The following MME variants were observed in gnomAD, a reference collection of about 807,000 sequenced individuals.
The protein encoded by MME is neprilysin.
MME carries 98 observed loss-of-function variants against 113.2 expected under a neutral mutation model. The observed-to-expected ratio is 0.87, with a 90% CI of 0.74 to 1.02. The LOEUF is 1.02. Ranked by LOEUF, MME falls within the 50% of genes least tolerant of loss-of-function variation. MME has a pLI of 0.00. For synonymous variants in MME, 292 were observed against 300.6 expected, an observed-to-expected ratio of 0.97 and a Z score of 0.30; for missense variants, 836 against 896.0, an observed-to-expected ratio of 0.93 and a Z score of 0.86.
chr3:155,026,732 C>T (rs1412857465), intron 1 of MME, among the ~76,000 whole-genome samples: 1 of 152,000 alleles, frequency 6.6e-6, no homozygotes, highest in African/African-American at 2.4e-5. Flanking sequence ...ATTCCCCCCA[C>T]CTCCCCCAGA....
At position 155,180,484 on chromosome 3, in the gene MME, TTGGC is replaced by T; in HGVS notation, c.*27_*30del. 6.4e-7 allele frequency: 1 copy of T among 1,558,960 alleles called. No homozygotes were observed. The highest frequency in any genetic ancestry group is 2.2e-5 in the East Asian group (1 of 44,490). On this transcript the variant is annotated 3_prime_UTR_variant, in exon 23 of 23. Transcript: ENST00000360490. ...ATCTTCAAAAGAAGCATTGCAGCCC[TTGGC>T]TAGACTTGCCAACACCACAGAAATG...
chr3:155,070,908 G>C (rs551319709), intron 1 of MME, among the ~76,000 whole-genome samples: 1 of 152,324 alleles, frequency 6.6e-6, no homozygotes, highest in East Asian at 1.9e-4. Flanking sequence ...AATCTGGGGT[G>C]TTTGGGTTTA....
intron 8 of MME, among the ~76,000 whole-genome samples, chr3:155,135,354 G>A (rs901550505): frequency 6.6e-6 from 1 of 152,080 alleles, no homozygotes; most frequent in South Asian, 2.1e-4. Flanking sequence ...TTCTGCATAT[G>A]ACTAGCCAGT....
intron 8 of MME, among the ~76,000 whole-genome samples, chr3:155,130,471 G>A (rs1357724929): frequency 6.6e-6 from 1 of 152,136 alleles, no homozygotes; most frequent in Non-Finnish European, 1.5e-5. Context: ...GGGAGAAGAA[G>A]CCAGAGTTAT....
chr3:155,088,212 G>GCA (rs3836439), intron 3 of MME, among the ~76,000 whole-genome samples: 39,962 of 149,668 alleles, frequency 0.27, 5,665 homozygotes, highest in Non-Finnish European at 0.34. Context: ...ACTCGTGCGC[G>GCA]CACACACACA....
chr3:155,067,851 ACTTTGGAAAATAGTTTGG>A (rs1239173316), intron 1 of MME, among the ~76,000 whole-genome samples: 10 of 152,138 alleles, frequency 6.6e-5, no homozygotes, highest in Non-Finnish European at 2.9e-5. Context: ...TGCTACAACC[ACTTTGGAAAATAGTTTGG>A]CAGTTTGTTA....
intron 15 of MME, among the ~76,000 whole-genome samples, 179 bp from the exon 16 acceptor site, chr3:155,148,371 G>A (rs768643666): frequency 1.1e-4 from 16 of 152,160 alleles, no homozygotes; most frequent in Non-Finnish European, 1.9e-4. Flanking sequence ...CTGGAATACT[G>A]ACCTGTGATA....
intron 3 of MME, among the ~76,000 whole-genome samples, chr3:155,101,978 T>TCA (rs1228054527): frequency 2.6e-5 from 4 of 152,198 alleles, no homozygotes; most frequent in African/African-American, 9.7e-5. Flanking sequence ...ATCCTGCTTG[T>TCA]CCTTCACCTA....
chr3:155,179,553 G>T (rs1307829430), intron 22 of MME, among the ~76,000 whole-genome samples: 1 of 152,162 alleles, frequency 6.6e-6, no homozygotes, highest in Non-Finnish European at 1.5e-5. Context: ...CAGTCCACTT[G>T]TCTCTGGGCC....
intron 4 of MME, 132 bp from the exon 5 acceptor site, chr3:155,116,347 C>A (rs1434042045): frequency 2.8e-5 from 20 of 704,674 alleles, no homozygotes; most frequent in Non-Finnish European, 5.1e-5. Flanking sequence ...AATGAATGTA[C>A]CTCCAGAAAA....
intron 1 of MME, among the ~76,000 whole-genome samples, chr3:155,072,898 T>C (rs1454466246): frequency 6.6e-6 from 1 of 152,252 alleles, no homozygotes; most frequent in Non-Finnish European, 1.5e-5. Context: ...TATGTTGGCC[T>C]CTCAAAACTT....
chr3:155,169,899 A>T (rs1270937988), intron 20 of MME, among the ~76,000 whole-genome samples: 1 of 152,178 alleles, frequency 6.6e-6, no homozygotes, highest in Non-Finnish European at 1.5e-5. Flanking sequence ...TTTGTCAGTG[A>T]CCAAAGATGA....
intron 20 of MME, among the ~76,000 whole-genome samples, chr3:155,169,969 A>G (rs558944641): frequency 1.3e-5 from 2 of 152,244 alleles, no homozygotes; most frequent in African/African-American, 2.4e-5. Flanking sequence ...AATGAGTCCA[A>G]CCAGTTCCAG....
At chr3:155,052,648 C>T (rs185709546) in intron 1 of MME, among the ~76,000 whole-genome samples, 8 of 152,314 alleles carry the variant, frequency 5.3e-5, no homozygotes, top group Non-Finnish European at 1.0e-4. Flanking sequence ...TGGGTCCAGC[C>T]CACAAAACCA....
rs1235849903 is a variant in MME at position 155,168,516 on chromosome 3, A to G, written c.1805A>G (p.Asp602Gly). 6.2e-7 allele frequency: 1 copy of G among 1,613,196 alleles called. No homozygotes were observed. Among genetic ancestry groups the G allele is most frequent in the South Asian group, 1.1e-5 (1 of 91,074 alleles). ...GGCAGAAACTTTAACAAAGATGGAG[A>G]CCTCGTTGACTGGTGGACTCAACAG... is the stretch of plus-strand genomic sequence containing the variant. ...DNGRNFNKDG[D>G]LVDWWTQQSA... Residue 602 changes from aspartate (D) to glycine (G), a missense_variant, in exon 19 of 23, where the codon GAC becomes GGC. By Grantham distance (94) the Asp-to-Gly change is moderately conservative. Transcript: ENST00000360490.
At chr3:155,054,222 A>T (rs994531705) in intron 1 of MME, among the ~76,000 whole-genome samples, 5 of 152,056 alleles carry the variant, frequency 3.3e-5, no homozygotes, top group African/African-American at 1.2e-4. Flanking sequence ...TTTTGGGACT[A>T]TGTTTCCTTC....
chr3:155,115,940 T>A (rs540076454), intron 4 of MME, among the ~76,000 whole-genome samples: 34 of 152,294 alleles, frequency 2.2e-4, no homozygotes, highest in East Asian at 1.2e-3. Flanking sequence ...TCCTTTGTTC[T>A]CTGTTCTCCC....
At chr3:155,034,708 C>T (rs911437054) in intron 1 of MME, among the ~76,000 whole-genome samples, 1 of 152,106 alleles carries the variant, frequency 6.6e-6, no homozygotes, top group Non-Finnish European at 1.5e-5. Context: ...AGTCATTACT[C>T]GATATACTCA....
chr3:155,062,846 G>C (rs866677506), intron 1 of MME, among the ~76,000 whole-genome samples: 1 of 151,506 alleles, frequency 6.6e-6, no homozygotes, highest in Non-Finnish European at 1.5e-5. Context: ...GACCACCCTG[G>C]CCAACATGGT....
Sources: allele counts gnomAD v4.1 joint callset (sites outside exome capture counted in the v4.1 genomes callset), GRCh38; gene constraint gnomAD v4.1.1; transcripts MANE v1.5; gene names NCBI Gene and HGNC (gene_info 2026-07-23, HGNC 2026-07-21).